SLC22A16: variants seen among roughly 807,000 people sequenced by gnomAD.
SLC22A16 encodes solute carrier family 22 member 16, also known as WUGSC:RG331P03.1.
SLC22A16 carries 53 observed loss-of-function variants against 52.9 expected under a neutral mutation model. The ratio of observed to expected loss-of-function variants is 1.00; its 90% CI spans 0.80 to 1.26. The LOEUF (loss-of-function observed/expected upper bound fraction) is 1.26, where lower values mean the gene tolerates loss of function less well. SLC22A16 is among the 50% of genes most tolerant of loss of function. The probability of loss-of-function intolerance (pLI) is 0.00; values close to 1 mark genes in which losing one functional copy is unlikely to be tolerated. For missense variants in SLC22A16, 726 were observed against 704.0 expected (o/e 1.03, Z -0.35); for synonymous variants, 291 against 268.8 (o/e 1.08, Z -0.81).
At chr6:110,441,422 G>A (rs552672056) in intron 4 of SLC22A16, among the ~76,000 whole-genome samples, 1 of 152,296 alleles carries the variant, frequency 6.6e-6, no homozygotes, top group South Asian at 2.1e-4. Context: ...ATTGTAACAG[G>A]AGATGAAACA....
intron 7 of SLC22A16, among the ~76,000 whole-genome samples, chr6:110,429,349 A>G (rs9481067): frequency 0.58 from 87,732 of 152,018 alleles, 27,345 homozygotes; most frequent in East Asian, 0.82. Flanking sequence ...CTCCGGGGAC[A>G]TGGGAGACAC....
At position 110,449,235 on chromosome 6, in the gene SLC22A16, T is replaced by A. The variant is rs147956758; in HGVS notation, c.534-2245A>T. 2.9e-3 allele frequency among the ~76,000 whole-genome samples: 436 copies of A among 152,064 alleles called. 2 individuals carry two copies. The highest frequency in any genetic ancestry group is 9.9e-3 in the African/African-American group (411 of 41,464). On this transcript the variant is annotated intron_variant, in intron 2 of 7. Coordinates refer to ENST00000368919, the MANE Select transcript of SLC22A16 (RefSeq NM_033125.4). ...ATGCCTACTCGTTAGACCCCTGCTGTCCTTTGGCTTGTAAAACATCCCTCT... is the reference window on the plus strand; with the variant it reads ...ATGCCTACTCGTTAGACCCCTGCTGACCTTTGGCTTGTAAAACATCCCTCT...
Position 110,424,765 on chromosome 6 carries a change from A to C in SLC22A16, c.*108T>G, listed in dbSNP as rs1774180414. 7.9e-7 allele frequency: 1 copy of C among 1,260,276 alleles called. No homozygotes were observed. The highest frequency in any genetic ancestry group is 1.1e-6 in the Non-Finnish European group (1 of 918,910). The allele number at this position is 1,260,276 out of a possible 1,614,324, so 78.1% of individuals were successfully genotyped here. ...GCTTTAAAATTTTCTTACAAAATTT[A>C]TTAAAAAGACATACAAACAACATAT... On this transcript the variant is annotated 3_prime_UTR_variant, in exon 8 of 8. Transcript: ENST00000368919.
chr6:110,453,525 T>C, intron 2 of SLC22A16: 2 of 432,550 alleles, frequency 4.6e-6, no homozygotes, highest in South Asian at 3.3e-5. Flanking sequence ...CTTCATTACT[T>C]ACTTCGTTAG....
At chr6:110,456,197 C>CT in intron 2 of SLC22A16, 1 of 245,254 alleles carries the variant, frequency 4.1e-6, no homozygotes, top group South Asian at 7.5e-5. Flanking sequence ...GTCCAGGGTA[C>CT]TTTTTTTCTG....
Position 110,442,755 on chromosome 6 carries a change from CA to C in SLC22A16, c.671del (p.Val224GlyfsTer7). Reference protein sequence around the residue: ...FLAMVASGYLVVGFVYVMEFI... With the variant: ...FLAMVASGYLXVGFVYVMEFI... ...ATTCCATCACATAGACAAACCCCAC[CA>C]CAAGATAGCCACTTGCAACCTGAAA... On this transcript the variant is annotated frameshift_variant, in exon 4 of 8. Transcript: ENST00000368919. LOFTEE classifies it high-confidence loss of function. 6.2e-7 allele frequency: 1 copy of C among 1,613,104 alleles called. No homozygotes were observed. The highest frequency in any genetic ancestry group is 8.5e-7 in the Non-Finnish European group (1 of 1,179,622).
rs1774183886 is a variant in SLC22A16 at position 110,424,835 on chromosome 6, A to T, written c.*38T>A. 6.2e-7 allele frequency: 1 copy of T among 1,611,994 alleles called. No homozygotes were observed. The highest frequency in any genetic ancestry group is 1.7e-5 in the Admixed American group (1 of 59,914). On this transcript the variant is annotated 3_prime_UTR_variant, in exon 8 of 8. Coordinates refer to ENST00000368919, the MANE Select transcript of SLC22A16 (RefSeq NM_033125.4). ...CCTCTAATACAAAGGCATTAGGGTA[A>T]ATAATATTTCAGGTGCTAGACAGCA...
In SLC22A16 at chr6:110,431,214, G is replaced by A. The variant is rs201591965; in HGVS notation, c.1478C>T (p.Pro493Leu). The change falls in exon 7 of 8, where the codon CCG becomes CTG. Residue 493 changes from proline (P) to leucine (L), a missense_variant. Pro to Leu is a moderately conservative substitution (Grantham distance 98, BLOSUM62 -3). Transcript: ENST00000368919. ...MVCRLASILA[P>L]FSVDLSSIWI... ...AATGCTGCTGAGGTCCACAGAGAAC[G>A]GCGCCAGGATGCTGGCCAGGCGACA... The A allele has an allele frequency of 5.0e-6, 8 of 1,613,736 alleles. No homozygotes were observed. Among genetic ancestry groups the A allele is most frequent in the Admixed American group, 3.3e-5 (2 of 60,026 alleles).
Position 110,456,309 on chromosome 6 carries a change from G to T in SLC22A16, c.533+229C>A, listed in dbSNP as rs574180344. The T allele has an allele frequency of 1.1e-5, 6 of 523,234 alleles. No homozygotes were observed. In the East Asian group the frequency reaches 1.9e-4, roughly 16 times the overall value. 32.4% of individuals were successfully genotyped at this position (523,234 alleles called of 1,614,324 possible). ...ACAGGTAAGTTAGGCAATTTGCCTG[G>T]GGTCCACAGTTAATAAGTGGTAGAA... On this transcript the variant is annotated intron_variant, in intron 2 of 7. Transcript: ENST00000368919.
Position 110,424,706 on chromosome 6 carries a change from T to C in SLC22A16, c.*167A>G. On this transcript the variant is annotated 3_prime_UTR_variant, in exon 8 of 8. Coordinates refer to ENST00000368919, the MANE Select transcript of SLC22A16 (RefSeq NM_033125.4). Reference sequence around the variant, plus strand: ...AAGCAGTTTTTAAAACTGAGAATTTTCATCTTAGTTTTTATTTCTTTTATA... The same window carrying C: ...AAGCAGTTTTTAAAACTGAGAATTTCCATCTTAGTTTTTATTTCTTTTATA... The C allele has an allele frequency of 1.2e-6, 1 of 802,986 alleles. No individual in the cohort carries two copies. The highest frequency in any genetic ancestry group is 1.9e-6 in the Non-Finnish European group (1 of 534,420). 49.7% of individuals were successfully genotyped at this position (802,986 alleles called of 1,614,324 possible).
intron 1 of SLC22A16, among the ~76,000 whole-genome samples, chr6:110,467,715 C>T (rs1344502213): frequency 6.6e-6 from 1 of 152,204 alleles, no homozygotes; most frequent in Non-Finnish European, 1.5e-5. Flanking sequence ...CACAGATGTG[C>T]ATGTAGACAT....
At chr6:110,434,611 A>G (rs1433888484) in intron 6 of SLC22A16, among the ~76,000 whole-genome samples, 1 of 118,374 alleles carries the variant, frequency 8.4e-6, no homozygotes, top group East Asian at 3.0e-4. Flanking sequence ...CACATCAGAC[A>G]TTCCCAAAGG....
Position 110,424,776 on chromosome 6 carries a change from A to C in SLC22A16, c.*97T>G, listed in dbSNP as rs1582506829. On this transcript the variant is annotated 3_prime_UTR_variant, in exon 8 of 8. Transcript: ENST00000368919. ...TTCTTACAAAATTTATTAAAAAGAC[A>C]TACAAACAACATATGGGAGATGAGA... The C allele has an allele frequency of 1.3e-5, 18 of 1,344,522 alleles. No homozygotes were observed. In the East Asian group the frequency reaches 3.8e-4, roughly 28 times the overall value. The allele number at this position is 1,344,522 out of a possible 1,614,324, so 83.3% of individuals were successfully genotyped here.
chr6:110,446,637 C>T (rs1775183376), intron 3 of SLC22A16, among the ~76,000 whole-genome samples: 1 of 151,696 alleles, frequency 6.6e-6, no homozygotes, highest in African/African-American at 2.4e-5. Flanking sequence ...ACATGTGGAC[C>T]ACATGCCCGA....
At position 110,459,808 on chromosome 6, in the gene SLC22A16, A is replaced by T. The variant is rs533215991; in HGVS notation, c.54-2791T>A. 1.2e-3 allele frequency among the ~76,000 whole-genome samples: 189 copies of T among 152,328 alleles called. 1 individual carries two copies. The highest frequency in any genetic ancestry group is 4.4e-3 in the African/African-American group (181 of 41,576). On this transcript the variant is annotated intron_variant, in intron 1 of 7. Coordinates refer to ENST00000368919, the MANE Select transcript of SLC22A16 (RefSeq NM_033125.4). ...CAAAAAATAAAAAGTTTATTTAAAA[A>T]TTTAAAAAAATAGAGTCTCCAAATT... is the stretch of plus-strand genomic sequence containing the variant.
intron 1 of SLC22A16, among the ~76,000 whole-genome samples, chr6:110,459,740 ACTC>A (rs1388254152): frequency 6.6e-6 from 1 of 152,168 alleles, no homozygotes; most frequent in Non-Finnish European, 1.5e-5. Flanking sequence ...TCATATGGGG[ACTC>A]TGTACTATCT....
chr6:110,437,205 A>T (rs1158201274), intron 5 of SLC22A16, among the ~76,000 whole-genome samples: 1 of 152,222 alleles, frequency 6.6e-6, no homozygotes, highest in Admixed American at 6.5e-5. Flanking sequence ...TTGTGTTGAC[A>T]TTATCACCTG....
intron 2 of SLC22A16, among the ~76,000 whole-genome samples, chr6:110,450,430 G>A: frequency 6.6e-6 from 1 of 151,708 alleles, no homozygotes; most frequent in Admixed American, 6.6e-5. Flanking sequence ...TGGCCAACAT[G>A]GTGAAACCCC....
intron 6 of SLC22A16, among the ~76,000 whole-genome samples, 190 bp downstream of exon 6, chr6:110,435,662 C>T (rs1363740403): frequency 1.3e-5 from 2 of 152,144 alleles, no homozygotes; most frequent in Non-Finnish European, 2.9e-5. Flanking sequence ...CAAAATAATT[C>T]GTCTAATATC....
Sources: allele counts gnomAD v4.1 joint callset (sites outside exome capture counted in the v4.1 genomes callset), GRCh38; gene constraint gnomAD v4.1.1; transcripts MANE v1.5; gene names NCBI Gene and HGNC (gene_info 2026-07-23, HGNC 2026-07-21).